Variants in NTM observed in about 807,000 individuals in gnomAD.
NTM encodes IgLON family member 2.
In NTM, 13 loss-of-function variants were observed where a neutral mutation model predicts 42.1. The observed-to-expected ratio is 0.31, with a 90% CI of 0.20 to 0.49. The LOEUF is 0.49. Among genes scored for constraint, NTM ranks in the 20% least tolerant of loss-of-function variants. The pLI is 0.99. For missense variants in NTM, 373 were observed against 452.8 expected (o/e 0.82, Z 1.60); for synonymous variants, 187 against 179.2 (o/e 1.04, Z -0.35).
At chr11:131,834,308 A>T (rs979082071) in intron 1 of NTM, among the ~76,000 whole-genome samples, 1 of 152,084 alleles carries the variant, frequency 6.6e-6, no homozygotes, top group African/African-American at 2.4e-5. Context: ...TCCCTTCCAC[A>T]TCTATGGGCT....
chr11:131,383,920 A>G (rs1321662989), intron 1 of NTM, among the ~76,000 whole-genome samples: 3 of 152,208 alleles, frequency 2.0e-5, no homozygotes, highest in Admixed American at 6.5e-5. Context: ...CCAGAGTGAC[A>G]GTTGCAGAGA....
chr11:131,463,695 C>T lies in NTM; in HGVS notation c.82+92807C>T, dbSNP rs76376223. Among the ~76,000 whole-genome samples the T allele has an allele frequency of 6.0e-3, 910 of 152,314 alleles. 11 individuals are homozygous for T. Among genetic ancestry groups the T allele is most frequent in the African/African-American group, 0.021 (857 of 41,578 alleles). ...CATTGTCCTACCTTTATAAACCTGG[C>T]CCCTGCAAATACTCTGCTTCCTGAC... On this transcript the variant is annotated intron_variant, in intron 1 of 8. Coordinates refer to ENST00000683400, the MANE Select transcript of NTM (RefSeq NM_001352005.2).
At chr11:132,300,673 GCTC>G (rs1159818295) in intron 4 of NTM, among the ~76,000 whole-genome samples, 5 of 152,170 alleles carry the variant, frequency 3.3e-5, no homozygotes, top group Non-Finnish European at 7.3e-5. Flanking sequence ...TATGTGGGTA[GCTC>G]CCATGTCCCC....
intron 1 of NTM, among the ~76,000 whole-genome samples, chr11:131,777,462 C>G: frequency 9.2e-6 from 1 of 108,160 alleles, no homozygotes; most frequent in Non-Finnish European, 1.7e-5. Context: ...CCATGCAATC[C>G]TAGTGTGAGT....
intron 2 of NTM, among the ~76,000 whole-genome samples, chr11:132,101,055 A>G (rs959764694): frequency 2.0e-5 from 3 of 152,214 alleles, no homozygotes; most frequent in African/African-American, 7.2e-5. Context: ...GTTGTCTCCA[A>G]TCCACTAAAT....
chr11:132,088,576 C>A (rs1383353163), intron 2 of NTM, among the ~76,000 whole-genome samples: 1 of 152,176 alleles, frequency 6.6e-6, no homozygotes, highest in East Asian at 1.9e-4. Context: ...CCACCACATA[C>A]GAGTGGAAGA....
At chr11:132,247,601 A>C (rs376732484) in intron 4 of NTM, among the ~76,000 whole-genome samples, 109 of 152,292 alleles carry the variant, frequency 7.2e-4, no homozygotes, top group African/African-American at 2.6e-3. Context: ...ACTATACTGG[A>C]GATTCAGAAG....
chr11:131,867,582 ATGTGTGTGTACACATACC>A (rs950474990), intron 1 of NTM, among the ~76,000 whole-genome samples: 15 of 150,502 alleles, frequency 1.0e-4, no homozygotes, highest in South Asian at 2.1e-4. Flanking sequence ...GCCTGTGTGT[ATGTGTGTGTACACATACC>A]TGTGTGTGTA....
intron 1 of NTM, among the ~76,000 whole-genome samples, chr11:131,597,555 C>T (rs1565683278): frequency 6.6e-6 from 1 of 152,180 alleles, no homozygotes; most frequent in Non-Finnish European, 1.5e-5. Flanking sequence ...CGCGCAAGTT[C>T]CTGTTCCTAT....
chr11:132,146,552 C>T lies in NTM; in HGVS notation c.400+38C>T, dbSNP rs761587247. 3.1e-6 allele frequency: 5 copies of T among 1,604,006 alleles called. No homozygotes were observed. Reference sequence around the variant, plus strand: ...GGCTTGGCGGGGAGATCTGGCTGGCCAGCCTGGAAAGCCTTCAGGTAAAGG... The same window carrying T: ...GGCTTGGCGGGGAGATCTGGCTGGCTAGCCTGGAAAGCCTTCAGGTAAAGG... On this transcript the variant is annotated intron_variant, in intron 3 of 8. Transcript: ENST00000683400. This position sits in a 1 kb window ranked among gnomAD's most constrained non-coding sequence, Gnocchi z 4.5.
intron 1 of NTM, among the ~76,000 whole-genome samples, chr11:131,398,498 A>T (rs137952113): frequency 6.6e-6 from 1 of 152,316 alleles, no homozygotes; most frequent in East Asian, 1.9e-4. Flanking sequence ...AGAATAGATC[A>T]GAAACAATTT....
At chr11:131,456,774 T>C (rs1010950815) in intron 1 of NTM, among the ~76,000 whole-genome samples, 3 of 152,248 alleles carry the variant, frequency 2.0e-5, no homozygotes, top group Non-Finnish European at 4.4e-5. Flanking sequence ...GACACTAGCA[T>C]GTTCCTTTGA....
chr11:131,971,685 C>T (rs1295087329), intron 2 of NTM, among the ~76,000 whole-genome samples: 1 of 151,684 alleles, frequency 6.6e-6, no homozygotes, highest in Admixed American at 6.6e-5. Flanking sequence ...ATATGTAAAA[C>T]TGATATATTA....
intron 1 of NTM, among the ~76,000 whole-genome samples, chr11:131,643,261 T>A (rs1292946527): frequency 6.6e-6 from 1 of 152,220 alleles, no homozygotes; most frequent in East Asian, 1.9e-4. Flanking sequence ...GATGATTCTA[T>A]CAACAGGAGA....
intron 1 of NTM, among the ~76,000 whole-genome samples, chr11:131,812,183 CCTCTCTCTCTCT>C (rs145003478): frequency 5.6e-5 from 8 of 142,956 alleles, no homozygotes; most frequent in African/African-American, 2.2e-4. Flanking sequence ...AATTAGTCAG[CCTCTCTCTCTCT>C]CTCTCTCTCT....
At chr11:131,480,894 T>C (rs1201458436) in intron 1 of NTM, among the ~76,000 whole-genome samples, 1 of 152,154 alleles carries the variant, frequency 6.6e-6, no homozygotes, top group Non-Finnish European at 1.5e-5. Context: ...GTGAAAAATT[T>C]GGGCTGAAAA....
chr11:131,720,181 G>T (rs2078169857), intron 1 of NTM, among the ~76,000 whole-genome samples: 1 of 152,204 alleles, frequency 6.6e-6, no homozygotes, highest in Non-Finnish European at 1.5e-5. Context: ...GTGCCAGGTA[G>T]TGTGCTAGGT....
chr11:131,789,596 AAG>A (rs2090373569), intron 1 of NTM, among the ~76,000 whole-genome samples: 2 of 65,156 alleles, frequency 3.1e-5, no homozygotes, highest in Admixed American at 1.6e-4. Flanking sequence ...GAAGAAGAAG[AAG>A]AAGAAGAAGA....
At chr11:131,372,295 A>G (rs754061828) in intron 1 of NTM, among the ~76,000 whole-genome samples, 5 of 152,034 alleles carry the variant, frequency 3.3e-5, no homozygotes, top group Non-Finnish European at 5.9e-5. Flanking sequence ...AGGGATGTCC[A>G]TGATGTCGTC....
Sources: allele counts gnomAD v4.1 joint callset (sites outside exome capture counted in the v4.1 genomes callset), GRCh38; gene constraint gnomAD v4.1.1; non-coding constraint Gnocchi (gnomAD v3.1); transcripts MANE v1.5; gene names NCBI Gene and HGNC (gene_info 2026-07-23, HGNC 2026-07-21).